The following BLTP1 variants were observed in gnomAD, a reference collection of about 807,000 sequenced individuals.
BLTP1 encodes fragile site-associated protein.
At chr4:122,207,705 T>C in the BLTP1 span, 1 of 1,281,734 alleles carries the variant, frequency 7.8e-7, no homozygotes, top group South Asian at 1.3e-5. Flanking sequence ...CCAAAGCTTA[T>C]CTTCACTCTC....
the BLTP1 span, chr4:122,325,813 T>C: frequency 1.0e-6 from 1 of 999,120 alleles, no homozygotes; most frequent in Non-Finnish European, 1.3e-6. Flanking sequence ...TTATTTTTCA[T>C]GAGTTTTTTT....
chr4:122,279,817 C>CA, the BLTP1 span: 1 of 1,614,010 alleles, frequency 6.2e-7, no homozygotes, highest in Non-Finnish European at 8.5e-7. Context: ...AAGCCCTCTA[C>CA]AGTGCCCAAA....
the BLTP1 span, chr4:122,305,575 T>A: frequency 1.0e-6 from 1 of 984,116 alleles, no homozygotes; most frequent in East Asian, 1.1e-4. Context: ...CAAAAATTTC[T>A]TGTCATCTCT....
the BLTP1 span, chr4:122,179,729 C>G: frequency 2.1e-6 from 1 of 484,864 alleles, no homozygotes; most frequent in South Asian, 8.8e-5. Flanking sequence ...TATAGGTACA[C>G]TTATGTACAG....
chr4:122,338,138 ATGAGGGTT>A, the BLTP1 span, among the ~76,000 whole-genome samples: 6,081 of 151,910 alleles, frequency 0.04, 159 homozygotes, highest in East Asian at 0.13. Context: ...AACAGAATGA[ATGAGGGTT>A]TGAGGGTTAT....
chr4:122,182,600 C>T, the BLTP1 span: 1 of 967,358 alleles, frequency 1.0e-6, no homozygotes. Context: ...AGGAATAAGG[C>T]ATTCACAGGA....
the BLTP1 span, chr4:122,353,188 C>T: frequency 1.2e-6 from 2 of 1,605,834 alleles, no homozygotes; most frequent in Middle Eastern, 1.8e-4. This position sits in a 1 kb window ranked among gnomAD's most constrained non-coding sequence, Gnocchi z 4.3. Context: ...TTTACTTTCT[C>T]CTATCTTCTG....
the BLTP1 span, among the ~76,000 whole-genome samples, chr4:122,342,695 G>A: frequency 6.6e-6 from 1 of 152,072 alleles, no homozygotes; most frequent in South Asian, 2.1e-4. Flanking sequence ...TACTGGAGAT[G>A]GGGACCACTG....
At chr4:122,353,936 A>C in the BLTP1 span, 12 of 1,613,702 alleles carry the variant, frequency 7.4e-6, no homozygotes, top group Non-Finnish European at 1.0e-5. This position sits in a 1 kb window ranked among gnomAD's most constrained non-coding sequence, Gnocchi z 4.3. Context: ...CAAGATAACA[A>C]GGCGTCGCCA....
the BLTP1 span, chr4:122,244,712 C>G: frequency 1.5e-6 from 1 of 653,114 alleles, no homozygotes; most frequent in Non-Finnish European, 1.9e-6. Context: ...ATAACTTATA[C>G]TATTAAGATT....
At chr4:122,257,606 A>C in the BLTP1 span, 1 of 966,202 alleles carries the variant, frequency 1.0e-6, no homozygotes, top group African/African-American at 1.6e-5. Context: ...TGCATCTTTT[A>C]TCAGTAAGTT....
chr4:122,276,797 T>A, the BLTP1 span: 21 of 973,072 alleles, frequency 2.2e-5, no homozygotes, highest in Non-Finnish European at 2.4e-5. Flanking sequence ...AGTGTATTTC[T>A]CTAGTAATTG....
At chr4:122,359,135 C>T in the BLTP1 span, among the ~76,000 whole-genome samples, 842 of 150,972 alleles carry the variant, frequency 5.6e-3, 4 homozygotes, top group Non-Finnish European at 8.7e-3. Context: ...ATACCTAATG[C>T]TAAATGACGA....
At chr4:122,319,709 T>G in the BLTP1 span, among the ~76,000 whole-genome samples, 1 of 151,832 alleles carries the variant, frequency 6.6e-6, no homozygotes, top group African/African-American at 2.4e-5. Flanking sequence ...CCTGGCTAAT[T>G]TTTGTATTTT....
At chr4:122,323,400 G>A in the BLTP1 span, among the ~76,000 whole-genome samples, 3 of 150,256 alleles carry the variant, frequency 2.0e-5, no homozygotes, top group Non-Finnish European at 4.4e-5. Flanking sequence ...GAAAAAAAAA[G>A]TAATTGGTTT....
At chr4:122,337,135 C>A in the BLTP1 span, 4 of 918,034 alleles carry the variant, frequency 4.4e-6, no homozygotes, top group South Asian at 1.5e-5. Context: ...GGTTCATGAA[C>A]CTTTAGTATG....
chr4:122,215,296 A>G, the BLTP1 span: 2 of 878,924 alleles, frequency 2.3e-6, no homozygotes, highest in Non-Finnish European at 1.4e-6. Flanking sequence ...TTTTTACTGT[A>G]ATAATCTACA....
chr4:122,235,765 A>C, the BLTP1 span: 2 of 152,344 alleles, frequency 1.3e-5, no homozygotes, highest in African/African-American at 4.8e-5. Flanking sequence ...AGATGGCGCC[A>C]CTGCACTCCA....
At chr4:122,318,331 T>C in the BLTP1 span, 3 of 1,327,140 alleles carry the variant, frequency 2.3e-6, no homozygotes. Flanking sequence ...TCCTATCATA[T>C]CTACTGCGTA....
Sources: gnomAD v4.1 joint callset for allele counts (sites outside exome capture counted in the v4.1 genomes callset) on GRCh38, gnomAD v4.1.1 for gene constraint, Gnocchi (gnomAD v3.1) non-coding constraint, MANE v1.5 for transcripts, NCBI Gene and HGNC (gene_info 2026-07-23, HGNC 2026-07-21) for gene names.